DRICH1: variants seen among roughly 807,000 people sequenced by gnomAD.
DRICH1 encodes the protein aspartate rich 1.
A neutral mutation model predicts 39.5 loss-of-function variants in DRICH1; 38 were observed. The ratio of observed to expected loss-of-function variants is 0.96; its 90% CI spans 0.74 to 1.26. The LOEUF is 1.26. DRICH1 is among the 50% of genes most tolerant of loss of function. The pLI, the probability that DRICH1 is intolerant of heterozygous loss-of-function variation, is 0.00. For missense variants in DRICH1, 279 were observed against 270.4 expected (o/e 1.03, Z -0.22); for synonymous variants, 84 against 99.5 (o/e 0.84, Z 0.93).
the DRICH1 span, among the ~76,000 whole-genome samples, chr22:23,581,956 T>C: frequency 6.6e-6 from 1 of 151,562 alleles, no homozygotes; most frequent in Non-Finnish European, 1.5e-5. Context: ...ACATTCACAA[T>C]GTCGTGCAAC....
At chr22:23,623,432 G>C (rs918691882) in intron 3 of DRICH1, among the ~76,000 whole-genome samples, 4 of 151,954 alleles carry the variant, frequency 2.6e-5, no homozygotes, top group Non-Finnish European at 4.4e-5. Flanking sequence ...GAAAAAAATA[G>C]AAATCACAAA....
chr22:23,623,385 CAG>C (rs1927883488), intron 3 of DRICH1, among the ~76,000 whole-genome samples: 1 of 151,914 alleles, frequency 6.6e-6, no homozygotes, highest in African/African-American at 2.4e-5. Flanking sequence ...AGTATGGTGA[CAG>C]AGTGAGACTC....
At chr22:23,595,135 G>A in the DRICH1 span, among the ~76,000 whole-genome samples, 2 of 144,378 alleles carry the variant, frequency 1.4e-5, no homozygotes, top group African/African-American at 5.1e-5. Context: ...AGAGAAGGAA[G>A]GGTTGGCAGT....
the DRICH1 span, among the ~76,000 whole-genome samples, chr22:23,582,416 C>G: frequency 6.6e-6 from 1 of 151,848 alleles, no homozygotes; most frequent in Non-Finnish European, 1.5e-5. Flanking sequence ...CCTCCCCCAG[C>G]CCCTGGCACC....
At chr22:23,619,082 G>T (rs1187274293) in intron 6 of DRICH1, among the ~76,000 whole-genome samples, 1 of 146,262 alleles carries the variant, frequency 6.8e-6, no homozygotes, top group Non-Finnish European at 1.5e-5. Context: ...TAAGGCAGGA[G>T]AATCAGTTCA....
intron 3 of DRICH1, among the ~76,000 whole-genome samples, chr22:23,623,058 A>C (rs1439883660): frequency 6.6e-6 from 1 of 152,244 alleles, no homozygotes; most frequent in Non-Finnish European, 1.5e-5. Flanking sequence ...TAACTAGCTT[A>C]CATAAATTTT....
In DRICH1 at chr22:23,632,310, G is replaced by A. The variant is rs1444516662; in HGVS notation, c.-287C>T. The A allele has an allele frequency of 1.3e-5, 6 of 453,892 alleles. No homozygotes were observed. The highest frequency in any genetic ancestry group is 2.4e-5 in the Non-Finnish European group (6 of 248,742). The allele number at this position is 453,892 out of a possible 1,614,324, so 28.1% of individuals were successfully genotyped here. A position where few individuals can be genotyped will look rare whatever the true frequency, so the allele number is the denominator to read the frequency against. On this transcript the variant is annotated 5_prime_UTR_variant, in exon 1 of 12. Coordinates refer to ENST00000317749, the MANE Select transcript of DRICH1 (RefSeq NM_016449.4). ...TTGGAGCTCCTCCTCCCTCCACTGC[G>A]AGCTACTGACTGAGGGCTGCTGGCC...
chr22:23,582,554 G>GTTTATTATTATTATTATTATTATTATT, the DRICH1 span, among the ~76,000 whole-genome samples: 10 of 40,084 alleles, frequency 2.5e-4, no homozygotes, highest in African/African-American at 7.0e-4. Context: ...ACCTTCAGGG[G>GTTTATTATTATTATTATTATTATTATT]CTTATTATTA....
At chr22:23,581,799 G>A in the DRICH1 span, among the ~76,000 whole-genome samples, 2 of 151,504 alleles carry the variant, frequency 1.3e-5, no homozygotes, top group African/African-American at 4.8e-5. Flanking sequence ...TAGAGATGGG[G>A]TTCACCATGT....
the DRICH1 span, among the ~76,000 whole-genome samples, chr22:23,587,454 G>T: frequency 1.4e-4 from 21 of 152,160 alleles, no homozygotes; most frequent in Non-Finnish European, 2.4e-4. Context: ...TTCGAAGGGA[G>T]AGAGAAGCCT....
At chr22:23,612,493 G>C (rs1204324317) in intron 11 of DRICH1, among the ~76,000 whole-genome samples, 1 of 116,032 alleles carries the variant, frequency 8.6e-6, no homozygotes, top group Admixed American at 8.7e-5. Context: ...AAAAAAAAAA[G>C]TCTAGAACTT....
At chr22:23,606,767 G>A (rs1926754685), downstream of DRICH1, among the ~76,000 whole-genome samples, 1 of 152,174 alleles carries the variant, frequency 6.6e-6, no homozygotes, top group Admixed American at 6.5e-5. Flanking sequence ...TACGGCAGAT[G>A]CCCCCTGAGA....
intron 11 of DRICH1, among the ~76,000 whole-genome samples, 183 bp downstream of exon 11, chr22:23,613,106 G>GCACCCTCAT (rs1413253393): frequency 6.6e-6 from 1 of 152,174 alleles, no homozygotes; most frequent in East Asian, 1.9e-4. Flanking sequence ...ATAGCCCATA[G>GCACCCTCAT]AGACAGTTCT....
intron 2 of DRICH1, among the ~76,000 whole-genome samples, chr22:23,625,700 G>C (rs61118795): frequency 7.3e-4 from 111 of 152,174 alleles, no homozygotes; most frequent in African/African-American, 2.6e-3. Flanking sequence ...AATACCTAAA[G>C]CCCCTACCCA....
chr22:23,595,728 G>GA, the DRICH1 span, among the ~76,000 whole-genome samples: 6,336 of 141,324 alleles, frequency 0.045, 61 homozygotes, highest in African/African-American at 0.13. Context: ...GTCCATTAAT[G>GA]AGTGGCCTTG....
rs980316465 is a variant in DRICH1 at position 23,617,778 on chromosome 22, T to C, written c.437-121A>G. On this transcript the variant is annotated intron_variant, in intron 6 of 11. Transcript: ENST00000317749. ...TTAACAAACATGGACTGGTTAATGCTGGAAGAGGGATGGCAGAGGAGGGGA... is the reference window on the plus strand; with the variant it reads ...TTAACAAACATGGACTGGTTAATGCCGGAAGAGGGATGGCAGAGGAGGGGA... The C allele has an allele frequency of 4.1e-6, 4 of 983,882 alleles. No individual in the cohort carries two copies. In the African/African-American group the frequency reaches 5.2e-5, roughly 13 times the overall value. 60.9% of individuals were successfully genotyped at this position (983,882 alleles called of 1,614,324 possible). A position where few individuals can be genotyped will look rare whatever the true frequency, so the allele number is the denominator to read the frequency against.
chr22:23,583,182 T>C, the DRICH1 span: 1 of 152,244 alleles, frequency 6.6e-6, no homozygotes, highest in Non-Finnish European at 1.5e-5. Context: ...TACTTCTTGC[T>C]GGAAGTTTGG....
At chr22:23,596,686 T>C in the DRICH1 span, among the ~76,000 whole-genome samples, 1 of 152,220 alleles carries the variant, frequency 6.6e-6, no homozygotes, top group African/African-American at 2.4e-5. Flanking sequence ...TGAATTCAGA[T>C]TGCCTTTGTT....
At chr22:23,626,926 G>A (rs1928099282) in intron 1 of DRICH1, among the ~76,000 whole-genome samples, 1 of 152,136 alleles carries the variant, frequency 6.6e-6, no homozygotes, top group African/African-American at 2.4e-5. Flanking sequence ...TGCACGCTTT[G>A]AGTTACAGGA....
Sources: gnomAD v4.1 joint callset for allele counts (sites outside exome capture counted in the v4.1 genomes callset) on GRCh38, gnomAD v4.1.1 for gene constraint, MANE v1.5 for transcripts, NCBI Gene and HGNC (gene_info 2026-07-23, HGNC 2026-07-21) for gene names.